ANGPT1: variants seen among roughly 807,000 people sequenced by gnomAD.
ANGPT1 encodes angiopoietin-1.
A neutral mutation model predicts 62.2 loss-of-function variants in ANGPT1; 17 were observed. The observed-to-expected ratio is 0.27, with a 90% confidence interval of 0.19 to 0.41. The LOEUF is 0.41. Among genes scored for constraint, ANGPT1 ranks in the 10% least tolerant of loss-of-function variants. The probability of loss-of-function intolerance (pLI) is 1.00; values close to 1 mark genes in which losing one functional copy is unlikely to be tolerated. For synonymous variants in ANGPT1, 199 were observed against 198.9 expected (o/e 1.00, Z 0.00); for missense variants, 478 against 594.9 (o/e 0.80, Z 2.04).
chr8:107,361,513 TAGA>T (rs1816163228), intron 1 of ANGPT1, among the ~76,000 whole-genome samples: 1 of 28,060 alleles, frequency 3.6e-5, no homozygotes, highest in South Asian at 1.2e-3. Flanking sequence ...TCTATATCTA[TAGA>T]ATATATGTAT....
At chr8:107,375,643 G>A (rs529903940) in intron 1 of ANGPT1, among the ~76,000 whole-genome samples, 2 of 152,276 alleles carry the variant, frequency 1.3e-5, no homozygotes, top group South Asian at 2.1e-4. Context: ...GACGAGGGAC[G>A]TTAGCCAGGC....
At chr8:107,303,771 C>G (rs1327070298) in intron 4 of ANGPT1, among the ~76,000 whole-genome samples, 1 of 151,632 alleles carries the variant, frequency 6.6e-6, no homozygotes, top group Non-Finnish European at 1.5e-5. Context: ...AAAAAAAGTG[C>G]TAACACACTT....
At chr8:107,302,590 T>C (rs890875514) in intron 5 of ANGPT1, among the ~76,000 whole-genome samples, 1 of 151,980 alleles carries the variant, frequency 6.6e-6, no homozygotes, top group Non-Finnish European at 1.5e-5. Context: ...CAGTATTGAA[T>C]GAAGGCATAG....
chr8:107,445,527 T>C (rs1234508252), intron 1 of ANGPT1, among the ~76,000 whole-genome samples: 1 of 152,182 alleles, frequency 6.6e-6, no homozygotes, highest in Non-Finnish European at 1.5e-5. Context: ...ATGGACCTCC[T>C]ACTTTTTTTT....
At chr8:107,369,973 A>G (rs1239558434) in intron 1 of ANGPT1, among the ~76,000 whole-genome samples, 1 of 151,896 alleles carries the variant, frequency 6.6e-6, no homozygotes, top group Non-Finnish European at 1.5e-5. Flanking sequence ...CTCTGTCTCC[A>G]CAAAAACATA....
chr8:107,389,734 A>G (rs1192585892), intron 1 of ANGPT1, among the ~76,000 whole-genome samples: 1 of 152,176 alleles, frequency 6.6e-6, no homozygotes, highest in African/African-American at 2.4e-5. Context: ...AAACATATAA[A>G]ATATAATTAG....
At chr8:107,356,565 C>A (rs1816051354) in intron 1 of ANGPT1, among the ~76,000 whole-genome samples, 2 of 152,056 alleles carry the variant, frequency 1.3e-5, no homozygotes, top group South Asian at 4.1e-4. Context: ...AAAAAAATAG[C>A]CTTATGGCAA....
intron 2 of ANGPT1, among the ~76,000 whole-genome samples, chr8:107,341,955 T>C (rs971369782): frequency 1.3e-5 from 2 of 152,112 alleles, no homozygotes; most frequent in Admixed American, 1.3e-4. Context: ...GGTGCTCTGC[T>C]TGTTGCAGCT....
At chr8:107,390,389 C>T (rs892608125) in intron 1 of ANGPT1, among the ~76,000 whole-genome samples, 4 of 148,718 alleles carry the variant, frequency 2.7e-5, no homozygotes, top group Admixed American at 1.3e-4. Flanking sequence ...CCATTCAGTT[C>T]AGTCTGGTTT....
At chr8:107,286,947 G>A (rs1324003343) in intron 6 of ANGPT1, among the ~76,000 whole-genome samples, 2 of 152,138 alleles carry the variant, frequency 1.3e-5, no homozygotes, top group African/African-American at 4.8e-5. Flanking sequence ...AAAACAGAAA[G>A]TTACAGGAGG....
chr8:107,315,599 C>T (rs112290128), intron 4 of ANGPT1, among the ~76,000 whole-genome samples: 2,570 of 152,122 alleles, frequency 0.017, 93 homozygotes, highest in African/African-American at 0.058. Flanking sequence ...CAAAACACTG[C>T]TTACTACTGT....
In ANGPT1 at chr8:107,396,346, C is replaced by T. The variant is rs1252303053; in HGVS notation, c.298-49249G>A. Among the ~76,000 whole-genome samples, 4 of 151,954 alleles carry T rather than the reference C, an allele frequency of 2.6e-5. No homozygotes were observed. The East Asian group carries it at 7.7e-4, about 29-fold the overall frequency. ...GATATTGACTTAAAACACCAATAGG[C>T]ATTTAAGTCCAGATTCTCAAACCCA... On this transcript the variant is annotated intron_variant, in intron 1 of 8. Coordinates refer to ENST00000517746, the MANE Select transcript of ANGPT1 (RefSeq NM_001146.5).
At chr8:107,292,763 T>C (rs772263735) in intron 6 of ANGPT1, among the ~76,000 whole-genome samples, 1 of 152,202 alleles carries the variant, frequency 6.6e-6, no homozygotes, top group Non-Finnish European at 1.5e-5. Flanking sequence ...CCTTATTTAC[T>C]GTCATTTGAC....
chr8:107,461,784 T>C (rs1812078830), intron 1 of ANGPT1, among the ~76,000 whole-genome samples: 1 of 152,166 alleles, frequency 6.6e-6, no homozygotes, highest in Admixed American at 6.6e-5. Context: ...AATGAATGAA[T>C]AACTATGTAA....
chr8:107,397,434 A>G (rs1192120893), intron 1 of ANGPT1, among the ~76,000 whole-genome samples: 1 of 127,482 alleles, frequency 7.8e-6, no homozygotes, highest in Non-Finnish European at 1.8e-5. Flanking sequence ...CCCCTCAAAA[A>G]TGTTGCTTGT....
At chr8:107,395,712 T>C (rs898400111) in intron 1 of ANGPT1, among the ~76,000 whole-genome samples, 1 of 152,202 alleles carries the variant, frequency 6.6e-6, no homozygotes, top group Non-Finnish European at 1.5e-5. Context: ...GAATTATTTA[T>C]GTATGTGTTT....
chr8:107,291,686 C>T (rs1024154292), intron 6 of ANGPT1, among the ~76,000 whole-genome samples: 4 of 152,084 alleles, frequency 2.6e-5, no homozygotes, highest in African/African-American at 9.7e-5. Context: ...GCTGGGATTA[C>T]AGGCTTGAGC....
chr8:107,357,247 T>C (rs1312857685), intron 1 of ANGPT1, among the ~76,000 whole-genome samples: 1 of 152,210 alleles, frequency 6.6e-6, no homozygotes, highest in Admixed American at 6.5e-5. Context: ...AGAAATCTTT[T>C]TCCCAAATTC....
intron 1 of ANGPT1, among the ~76,000 whole-genome samples, chr8:107,348,388 A>T (rs55875407): frequency 0.044 from 6,707 of 152,260 alleles, 479 homozygotes; most frequent in African/African-American, 0.15. Flanking sequence ...TCCCTTGCTT[A>T]TTTCTATTTA....
Sources: allele counts gnomAD v4.1 joint callset (sites outside exome capture counted in the v4.1 genomes callset), GRCh38; gene constraint gnomAD v4.1.1; transcripts MANE v1.5; gene names NCBI Gene and HGNC (gene_info 2026-07-23, HGNC 2026-07-21).